The following THUMPD3 variants were observed in gnomAD, a reference collection of about 807,000 sequenced individuals.
THUMPD3 encodes THUMP domain 3 tRNA guanosine methyltransferase.
In THUMPD3, 44 loss-of-function variants were observed where a neutral mutation model predicts 54.5. The observed-to-expected ratio is 0.81, with a 90% CI of 0.63 to 1.04. The LOEUF (loss-of-function observed/expected upper bound fraction) is 1.04. THUMPD3 is among the 50% of genes least tolerant of loss of function. The pLI is 0.00. For missense variants in THUMPD3, 604 were observed against 601.3 expected (o/e 1.00, Z -0.05); for synonymous variants, 196 against 201.4 (o/e 0.97, Z 0.23).
At position 9,385,559 on chromosome 3, in the gene THUMPD3, TAC is replaced by T. The variant is rs1262030945; in HGVS notation, c.*875_*876del. ...AATATCCATCTGTTATTCACATTAATACACAGAATGAAAATAGAGGTCTAGGA... is the reference window on the plus strand; with the variant it reads ...AATATCCATCTGTTATTCACATTAATACAGAATGAAAATAGAGGTCTAGGA... On this transcript the variant is annotated 3_prime_UTR_variant, in exon 10 of 10. Transcript: ENST00000452837. 6.6e-6 allele frequency: 1 copy of T among 152,206 alleles called. No individual in the cohort carries two copies. Among genetic ancestry groups the T allele is most frequent in the African/African-American group, 2.4e-5 (1 of 41,464 alleles). 9.4% of individuals were successfully genotyped at this position (152,206 alleles called of 1,614,324 possible). A position where few individuals can be genotyped will look rare whatever the true frequency, so the allele number is the denominator to read the frequency against.
chr3:9,375,153 G>A lies in THUMPD3; in HGVS notation c.938+507G>A, dbSNP rs77507103. Among the ~76,000 whole-genome samples, 18 of 152,190 alleles carry A rather than the reference G, an allele frequency of 1.2e-4. No individual in the cohort carries two copies. The East Asian group carries it at 1.9e-3, about 16-fold the overall frequency. On this transcript the variant is annotated intron_variant, in intron 5 of 9. Coordinates refer to ENST00000452837, the MANE Select transcript of THUMPD3 (RefSeq NM_001114092.2). ...ATTACAGGTGTAAGCCACCGCGCCCGGTTTTCTTGATTTTAAAATGAGAGT... is the reference window on the plus strand; with the variant it reads ...ATTACAGGTGTAAGCCACCGCGCCCAGTTTTCTTGATTTTAAAATGAGAGT...
chr3:9,371,672 A>G, intron 4 of THUMPD3, 136 bp downstream of exon 4: 1 of 779,442 alleles, frequency 1.3e-6, no homozygotes, highest in Non-Finnish European at 2.1e-6. Flanking sequence ...GGCTATGGAG[A>G]CAGATTTAGA....
chr3:9,381,755 A>C (rs1170479393), intron 7 of THUMPD3, among the ~76,000 whole-genome samples: 1 of 53,904 alleles, frequency 1.9e-5, no homozygotes, highest in Non-Finnish European at 3.6e-5. Flanking sequence ...TTCAACCCGT[A>C]CTTTTTTTTT....
chr3:9,383,021 C>A, intron 7 of THUMPD3, 178 bp from the exon 8 acceptor site: 1 of 493,066 alleles, frequency 2.0e-6, no homozygotes, highest in Non-Finnish European at 3.7e-6. Flanking sequence ...GCTACCATGC[C>A]CAGCCTGACC....
At chr3:9,374,406 C>T in intron 4 of THUMPD3, 110 bp from the exon 5 acceptor site, 1 of 1,351,848 alleles carries the variant, frequency 7.4e-7, no homozygotes, top group Non-Finnish European at 1.0e-6. Context: ...GAGTAGGGGA[C>T]CAACAGGTTG....
intron 5 of THUMPD3, among the ~76,000 whole-genome samples, chr3:9,375,700 G>A (rs763562645): frequency 1.3e-5 from 2 of 152,176 alleles, no homozygotes; most frequent in African/African-American, 2.4e-5. Flanking sequence ...ATCATTGTGC[G>A]AACCTCATGG....
intron 3 of THUMPD3, among the ~76,000 whole-genome samples, chr3:9,368,749 T>C (rs924406293): frequency 3.9e-5 from 6 of 152,208 alleles, no homozygotes; most frequent in African/African-American, 9.6e-5. Flanking sequence ...AGCAAACTTG[T>C]AAAGACTGAA....
At chr3:9,365,393 CT>C in intron 2 of THUMPD3, 73 bp downstream of exon 2, 1 of 1,531,332 alleles carries the variant, frequency 6.5e-7, no homozygotes, top group Non-Finnish European at 8.9e-7. Flanking sequence ...TTTATAGACC[CT>C]TCTGGAATCC....
At chr3:9,382,290 T>A (rs1470652890) in intron 7 of THUMPD3, among the ~76,000 whole-genome samples, 1 of 152,222 alleles carries the variant, frequency 6.6e-6, no homozygotes, top group African/African-American at 2.4e-5. Flanking sequence ...TTGACTTATC[T>A]TCAGTTCTTA....
At chr3:9,368,979 G>A (rs1385014330) in intron 3 of THUMPD3, among the ~76,000 whole-genome samples, 2 of 151,668 alleles carry the variant, frequency 1.3e-5, no homozygotes, top group Non-Finnish European at 2.9e-5. Flanking sequence ...TGAAATACTC[G>A]GGACCAGAAA....
chr3:9,377,283 T>C (rs2032533772), intron 5 of THUMPD3, among the ~76,000 whole-genome samples: 4 of 152,164 alleles, frequency 2.6e-5, no homozygotes, highest in Admixed American at 2.6e-4. Flanking sequence ...AAATGGGATT[T>C]TGGAAGATAG....
At chr3:9,374,919 C>T (rs1436369641) in intron 5 of THUMPD3, among the ~76,000 whole-genome samples, 3 of 152,136 alleles carry the variant, frequency 2.0e-5, no homozygotes, top group Middle Eastern at 3.2e-3. Flanking sequence ...ACTGCAGTGG[C>T]GAGATCTCAG....
At chr3:9,374,946 C>A (rs1322958742) in intron 5 of THUMPD3, among the ~76,000 whole-genome samples, 1 of 152,192 alleles carries the variant, frequency 6.6e-6, no homozygotes, top group African/African-American at 2.4e-5. Flanking sequence ...GTAACCTCTG[C>A]CTCCCGGGTT....
intron 7 of THUMPD3, chr3:9,381,030 C>G (rs2032846268): frequency 6.4e-6 from 1 of 157,028 alleles, no homozygotes; most frequent in Non-Finnish European, 1.4e-5. Flanking sequence ...CTACTGAGCT[C>G]AAGCAATCCT....
intron 4 of THUMPD3, 24 bp downstream of exon 4, chr3:9,371,560 T>C: frequency 6.4e-7 from 1 of 1,554,836 alleles, no homozygotes; most frequent in Non-Finnish European, 8.8e-7. Flanking sequence ...CTGACTGTGG[T>C]GATTGAAGAA....
Position 9,385,705 on chromosome 3 carries a change from A to G in THUMPD3, c.*1017A>G, listed in dbSNP as rs1347740220. ...AAAGAAATTGTTTTTCTTTCAGTACACTAAGGTGTGTGTTTTCAAAACCAA... is the reference window on the plus strand; with the variant it reads ...AAAGAAATTGTTTTTCTTTCAGTACGCTAAGGTGTGTGTTTTCAAAACCAA... On this transcript the variant is annotated 3_prime_UTR_variant, in exon 10 of 10. Transcript: ENST00000452837. 1 of 152,244 alleles carries G rather than the reference A, an allele frequency of 6.6e-6. No individual in the cohort carries two copies. The highest frequency in any genetic ancestry group is 1.5e-5 in the Non-Finnish European group (1 of 68,036). 9.4% of individuals were successfully genotyped at this position (152,244 alleles called of 1,614,324 possible).
chr3:9,371,162 A>C lies in THUMPD3; in HGVS notation c.433A>C (p.Lys145Gln). 16 of 1,606,806 alleles carry C rather than the reference A, an allele frequency of 1.0e-5. No individual in the cohort carries two copies. The highest frequency in any genetic ancestry group is 1.2e-5 in the Non-Finnish European group (14 of 1,175,772). The change falls in exon 4 of 10, where the codon AAG becomes CAG. Residue 145 changes from lysine (K) to glutamine (Q), a missense_variant. Lys to Gln is a moderately conservative substitution (Grantham distance 53). Coordinates refer to ENST00000452837, the MANE Select transcript of THUMPD3 (RefSeq NM_001114092.2). Reference protein sequence around the residue: ...INASFKKKKAKRKKINQNSSK... With the variant: ...INASFKKKKAQRKKINQNSSK... ...TGCCAGTTTTAAAAAGAAAAAAGCA[A>C]AGCGCAAAAAGATAAATCAGAATTC...
rs776548761 is a variant in THUMPD3, at chr3:9,371,233, G to T, written c.504G>T (p.Gln168His). ...INNGQEVKID[Q>H]RNVKKEFTSH... ...ATGGACAAGAAGTCAAAATCGATCA[G>T]AGAAATGTTAAAAAAGAGTTCACTA... Residue 168 changes from glutamine to histidine, a missense_variant, in exon 4 of 10, where the codon CAG becomes CAT. Coordinates refer to ENST00000452837, the MANE Select transcript of THUMPD3 (RefSeq NM_001114092.2). 6.2e-7 allele frequency: 1 copy of T among 1,611,488 alleles called. No homozygotes were observed.
At chr3:9,365,714 C>A (rs2031504316) in intron 2 of THUMPD3, among the ~76,000 whole-genome samples, 1 of 152,090 alleles carries the variant, frequency 6.6e-6, no homozygotes, top group African/African-American at 2.4e-5. Context: ...GCCTCAGCCT[C>A]CCCAGTAGCT....
Sources: allele counts gnomAD v4.1 joint callset (sites outside exome capture counted in the v4.1 genomes callset), GRCh38; gene constraint gnomAD v4.1.1; transcripts MANE v1.5; gene names NCBI Gene and HGNC (gene_info 2026-07-23, HGNC 2026-07-21).